Variants in SLC24A3 observed in about 807,000 individuals in gnomAD.
SLC24A3 encodes solute carrier family 24 member 3.
Under a neutral mutation model 75.8 loss-of-function variants are expected in SLC24A3, and 28 were observed. That is an observed-to-expected ratio of 0.37 (90% confidence interval 0.27 to 0.51). The LOEUF is 0.51. SLC24A3 is among the 20% of genes least tolerant of loss of function. The pLI, the probability that SLC24A3 is intolerant of heterozygous loss-of-function variation, is 0.94. For synonymous variants in SLC24A3, 372 were observed against 334.1 expected (o/e 1.11, Z -1.24); for missense variants, 663 against 847.8 (o/e 0.78, Z 2.71).
intron 5 of SLC24A3, 80 bp from the exon 6 acceptor site, chr20:19,585,361 G>A (rs2031279899): frequency 2.3e-6 from 3 of 1,321,142 alleles, no homozygotes; most frequent in South Asian, 1.3e-5. Flanking sequence ...ACAATCTAAT[G>A]CTTATGAAAG....
intron 1 of SLC24A3, among the ~76,000 whole-genome samples, chr20:19,255,970 G>T (rs548024329): frequency 6.6e-6 from 1 of 151,876 alleles, no homozygotes; most frequent in Admixed American, 6.6e-5. Flanking sequence ...ATGGTGGCAC[G>T]TGCCTGTAGT....
chr20:19,544,516 C>T (rs938224475), intron 3 of SLC24A3, among the ~76,000 whole-genome samples: 3 of 152,154 alleles, frequency 2.0e-5, no homozygotes, highest in African/African-American at 7.2e-5. Flanking sequence ...GGAAGCCTGA[C>T]TGAGTGGTAC....
intron 1 of SLC24A3, among the ~76,000 whole-genome samples, chr20:19,245,960 A>T (rs1358111393): frequency 1.3e-5 from 2 of 152,174 alleles, no homozygotes; most frequent in Non-Finnish European, 2.9e-5. Flanking sequence ...TCTTTAAGGT[A>T]TAGAAGATTT....
chr20:19,432,798 G>C (rs994381094), intron 2 of SLC24A3, among the ~76,000 whole-genome samples: 1 of 152,208 alleles, frequency 6.6e-6, no homozygotes, highest in African/African-American at 2.4e-5. Flanking sequence ...GCTGTAAACT[G>C]TGAAAAGTAG....
intron 2 of SLC24A3, among the ~76,000 whole-genome samples, chr20:19,372,209 G>T (rs4814844): frequency 0.58 from 88,243 of 152,110 alleles, 28,076 homozygotes; most frequent in African/African-American, 0.85. Context: ...CCATACCTTT[G>T]GTCCAGAATT....
chr20:19,704,710 G>T (rs923725408), intron 15 of SLC24A3, among the ~76,000 whole-genome samples: 1 of 152,170 alleles, frequency 6.6e-6, no homozygotes, highest in Non-Finnish European at 1.5e-5. Context: ...TGGGAAGAGA[G>T]GGGTGTGTGG....
intron 2 of SLC24A3, among the ~76,000 whole-genome samples, chr20:19,431,726 A>T (rs1323843045): frequency 6.6e-6 from 1 of 152,134 alleles, no homozygotes; most frequent in Non-Finnish European, 1.5e-5. Context: ...CACTTCAAAA[A>T]AAAAAAGGTA....
At chr20:19,282,544 A>G (rs1225740952) in intron 2 of SLC24A3, among the ~76,000 whole-genome samples, 2 of 152,274 alleles carry the variant, frequency 1.3e-5, no homozygotes, top group African/African-American at 4.8e-5. Context: ...CTAGCCTGAA[A>G]AGGCATAGCA....
intron 3 of SLC24A3, among the ~76,000 whole-genome samples, chr20:19,549,493 C>T (rs909959013): frequency 3.3e-5 from 5 of 152,102 alleles, no homozygotes; most frequent in African/African-American, 1.2e-4. Context: ...CCTCAAAAAC[C>T]TTTGACTTGG....
At chr20:19,251,832 C>T (rs558738657) in intron 1 of SLC24A3, among the ~76,000 whole-genome samples, 1 of 152,214 alleles carries the variant, frequency 6.6e-6, no homozygotes, top group African/African-American at 2.4e-5. Flanking sequence ...TGCACCAGGG[C>T]AGCCGGGGTC....
At chr20:19,485,242 G>A (rs926651743) in intron 2 of SLC24A3, among the ~76,000 whole-genome samples, 11 of 152,152 alleles carry the variant, frequency 7.2e-5, no homozygotes, top group African/African-American at 2.7e-4. Context: ...AGCCCAGTTT[G>A]CCAACACTGG....
intron 7 of SLC24A3, among the ~76,000 whole-genome samples, chr20:19,656,705 G>A (rs1206656662): frequency 6.6e-6 from 1 of 152,184 alleles, no homozygotes; most frequent in African/African-American, 2.4e-5. Flanking sequence ...AGACGACTGT[G>A]CTCATGAAGA....
At chr20:19,224,637 C>T (rs1424762598) in intron 1 of SLC24A3, among the ~76,000 whole-genome samples, 2 of 152,248 alleles carry the variant, frequency 1.3e-5, no homozygotes, top group Non-Finnish European at 2.9e-5. Flanking sequence ...AGCAGCTTAG[C>T]CATGGCCCTT....
At chr20:19,290,510 G>C (rs1983915530) in intron 2 of SLC24A3, among the ~76,000 whole-genome samples, 1 of 152,152 alleles carries the variant, frequency 6.6e-6, no homozygotes, top group Non-Finnish European at 1.5e-5. Flanking sequence ...CTTCCACCTT[G>C]TGAGGCTAGA....
At chr20:19,608,516 A>T (rs768447812) in intron 6 of SLC24A3, among the ~76,000 whole-genome samples, 2 of 152,210 alleles carry the variant, frequency 1.3e-5, no homozygotes, top group African/African-American at 4.8e-5. Context: ...ACACAGTTCT[A>T]TGAGAAGCAT....
chr20:19,468,234 T>G lies in SLC24A3; in HGVS notation c.272-47254T>G, dbSNP rs11087286. On this transcript the variant is annotated intron_variant, in intron 2 of 16. Coordinates refer to ENST00000328041, the MANE Select transcript of SLC24A3 (RefSeq NM_020689.4). ...GTGGATACTGAACAAGATAGGGATCTGTTTGTAAGATAAGAGATATTTCTG... is the reference window on the plus strand; with the variant it reads ...GTGGATACTGAACAAGATAGGGATCGGTTTGTAAGATAAGAGATATTTCTG... 0.021 allele frequency among the ~76,000 whole-genome samples: 3,242 copies of G among 152,244 alleles called. 307 individuals are homozygous for G. The East Asian group carries it at 0.33, about 15-fold the overall frequency.
intron 3 of SLC24A3, among the ~76,000 whole-genome samples, chr20:19,571,143 C>T (rs1270683206): frequency 6.6e-6 from 1 of 152,124 alleles, no homozygotes; most frequent in Non-Finnish European, 1.5e-5. Flanking sequence ...GCCTGAGCTG[C>T]TGGACTTCTC....
chr20:19,591,618 A>G (rs901805132), intron 6 of SLC24A3, among the ~76,000 whole-genome samples: 2 of 152,000 alleles, frequency 1.3e-5, no homozygotes, highest in Non-Finnish European at 2.9e-5. Flanking sequence ...CCATCCCCCC[A>G]TAGCATCATC....
At chr20:19,218,085 T>C (rs1371239883) in intron 1 of SLC24A3, among the ~76,000 whole-genome samples, 3 of 152,166 alleles carry the variant, frequency 2.0e-5, no homozygotes, top group Non-Finnish European at 2.9e-5. Context: ...TCAGAAGATA[T>C]ATAAATATCT....
Sources: gnomAD v4.1 joint callset for allele counts (sites outside exome capture counted in the v4.1 genomes callset) on GRCh38, gnomAD v4.1.1 for gene constraint, MANE v1.5 for transcripts, NCBI Gene and HGNC (gene_info 2026-07-23, HGNC 2026-07-21) for gene names.